Variants in FRYL observed in about 807,000 individuals in gnomAD.
FRYL encodes protein furry homolog-like.
Under a neutral mutation model 351.2 loss-of-function variants are expected in FRYL, and 150 were observed. The observed-to-expected ratio is 0.43, with a 90% CI of 0.37 to 0.49. The LOEUF (loss-of-function observed/expected upper bound fraction) is 0.49. FRYL is among the 20% of genes least tolerant of loss of function. FRYL has a pLI of 0.00. For missense variants in FRYL, 3,036 were observed against 3,619.3 expected, an observed-to-expected ratio of 0.84 and a Z score of 4.13; for synonymous variants, 1,153 against 1,257.1, an observed-to-expected ratio of 0.92 and a Z score of 1.75.
At chr4:48,683,865 CT>C (rs1560856501) in intron 3 of FRYL, among the ~76,000 whole-genome samples, 1 of 152,192 alleles carries the variant, frequency 6.6e-6, no homozygotes, top group Non-Finnish European at 1.5e-5. Flanking sequence ...CTTTCTCCCC[CT>C]CTCTCCCTCC....
rs888017807 is a variant in FRYL at position 48,592,082 on chromosome 4, T to TAATATATATA, written c.1336-1253_1336-1252insTATATATATT. Among the ~76,000 whole-genome samples the TAATATATATA allele has an allele frequency of 2.6e-3, 300 of 116,190 alleles. 6 individuals carry two copies. Among genetic ancestry groups the TAATATATATA allele is most frequent in the African/African-American group, 0.013 (282 of 22,230 alleles). The allele number at this position is 116,190 out of a possible 152,430, so 76.2% of individuals were successfully genotyped here. On this transcript the variant is annotated intron_variant, in intron 16 of 63. Transcript: ENST00000358350. ...GGAATACGGGAAGAAAATAAAGCTCTTATATATATATATATATATATATAT... is the reference window on the plus strand; with the variant it reads ...GGAATACGGGAAGAAAATAAAGCTCTAATATATATATATATATATATATATATATATATAT...
chr4:48,522,006 G>A (rs116173453), intron 54 of FRYL, among the ~76,000 whole-genome samples: 361 of 152,186 alleles, frequency 2.4e-3, no homozygotes, highest in African/African-American at 8.3e-3. Flanking sequence ...GGCTGGGTGC[G>A]GTGGCTCATG....
At chr4:48,513,424 C>T (rs919376886) in intron 56 of FRYL, among the ~76,000 whole-genome samples, 1 of 152,170 alleles carries the variant, frequency 6.6e-6, no homozygotes, top group East Asian at 1.9e-4. Context: ...TCCCTAAAGT[C>T]AGATTATACA....
intron 13 of FRYL, among the ~76,000 whole-genome samples, chr4:48,601,718 T>C (rs1044844199): frequency 2.6e-5 from 4 of 152,144 alleles, no homozygotes; most frequent in African/African-American, 9.7e-5. Context: ...AGATTAATAC[T>C]CTATAATTCT....
rs1329830857 is a variant in FRYL, at chr4:48,531,056, TGGGTATG to T, written c.6903+93_6903+99del. The T allele has an allele frequency of 7.4e-6, 6 of 805,628 alleles. No homozygotes were observed. In the African/African-American group the frequency reaches 1.0e-4, roughly 14 times the overall value. The allele number at this position is 805,628 out of a possible 1,614,324, so 49.9% of individuals were successfully genotyped here. Reference sequence around the variant, plus strand: ...TAACAGCTATCATATTGTCTAACACTGGGTATGAGCTCAATCAATGTTTGTTAAATCA... The same window carrying T: ...TAACAGCTATCATATTGTCTAACACTAGCTCAATCAATGTTTGTTAAATCA... On this transcript the variant is annotated intron_variant, in intron 50 of 63. Coordinates refer to ENST00000358350, the MANE Select transcript of FRYL (RefSeq NM_015030.2).
chr4:48,732,321 G>A (rs1309843457), intron 1 of FRYL, among the ~76,000 whole-genome samples: 1 of 152,198 alleles, frequency 6.6e-6, no homozygotes, highest in Non-Finnish European at 1.5e-5. Flanking sequence ...CTTTTACACT[G>A]TTGGTGGGAG....
intron 1 of FRYL, among the ~76,000 whole-genome samples, chr4:48,758,220 C>A (rs1325716077): frequency 6.6e-5 from 10 of 152,092 alleles, no homozygotes; most frequent in Non-Finnish European, 1.2e-4. Flanking sequence ...GCAACAAAAG[C>A]CAAAATTGAC....
chr4:48,562,756 G>C (rs1735809298), intron 32 of FRYL, 133 bp downstream of exon 32: 1 of 591,188 alleles, frequency 1.7e-6, no homozygotes. Flanking sequence ...TAATAATTAG[G>C]CCTTGATACC....
intron 1 of FRYL, among the ~76,000 whole-genome samples, chr4:48,761,017 G>GTGTGTA (rs1560367594): frequency 6.7e-6 from 1 of 149,692 alleles, no homozygotes. Flanking sequence ...CTGTGTGTGT[G>GTGTGTA]TGTGTGTGTG....
chr4:48,517,624 TAAAAG>T (rs1307749544), intron 55 of FRYL, among the ~76,000 whole-genome samples: 2 of 152,154 alleles, frequency 1.3e-5, no homozygotes, highest in Non-Finnish European at 2.9e-5. Flanking sequence ...TCATAAATAA[TAAAAG>T]AAACCCTCTG....
intron 31 of FRYL, 81 bp downstream of exon 31, chr4:48,563,867 T>C: frequency 6.8e-7 from 1 of 1,465,386 alleles, no homozygotes. Context: ...AACTGGTGTC[T>C]TCCTATTTTT....
chr4:48,507,227 G>A (rs1355972795), intron 59 of FRYL, among the ~76,000 whole-genome samples: 1 of 152,104 alleles, frequency 6.6e-6, no homozygotes, highest in Non-Finnish European at 1.5e-5. Context: ...TCTGTTAAAA[G>A]ACAAACCCCA....
chr4:48,558,122 T>C (rs1222566856), intron 33 of FRYL, among the ~76,000 whole-genome samples: 3 of 152,180 alleles, frequency 2.0e-5, no homozygotes, highest in Admixed American at 1.3e-4. Context: ...CCATGTTCAT[T>C]AACAGCACAA....
At chr4:48,506,246 A>C (rs1720883042) in intron 59 of FRYL, 1 of 152,068 alleles carries the variant, frequency 6.6e-6, no homozygotes, top group African/African-American at 2.4e-5. Context: ...TTGATATAAA[A>C]GTACAGGCTG....
At chr4:48,544,970 T>C in intron 42 of FRYL, 66 bp from the exon 43 acceptor site, 1 of 1,504,936 alleles carries the variant, frequency 6.6e-7, no homozygotes. Flanking sequence ...GTACTCACAC[T>C]TGCCTAAATT....
intron 3 of FRYL, among the ~76,000 whole-genome samples, chr4:48,645,663 GT>G (rs1261163747): frequency 2.0e-5 from 3 of 152,154 alleles, no homozygotes; most frequent in Admixed American, 6.5e-5. Context: ...GTATGTGTAT[GT>G]TTTTGAAAGC....
At chr4:48,574,607 A>G (rs1187707926) in intron 25 of FRYL, 1 of 152,210 alleles carries the variant, frequency 6.6e-6, no homozygotes, top group Non-Finnish European at 1.5e-5. Flanking sequence ...GAAATTCTCA[A>G]AAGAATAAAT....
At chr4:48,642,666 C>T (rs1440015840) in intron 3 of FRYL, among the ~76,000 whole-genome samples, 1 of 152,046 alleles carries the variant, frequency 6.6e-6, no homozygotes, top group Non-Finnish European at 1.5e-5. Context: ...AAGTCTACTA[C>T]AGAAATATCA....
At chr4:48,559,749 G>A (rs1735033151) in intron 33 of FRYL, among the ~76,000 whole-genome samples, 1 of 151,542 alleles carries the variant, frequency 6.6e-6, no homozygotes, top group African/African-American at 2.4e-5. Context: ...CAGAAAAAAA[G>A]GGACGGAAGG....
Sources: allele counts gnomAD v4.1 joint callset (sites outside exome capture counted in the v4.1 genomes callset), GRCh38; gene constraint gnomAD v4.1.1; transcripts MANE v1.5; gene names NCBI Gene and HGNC (gene_info 2026-07-23, HGNC 2026-07-21).